NSMCE2: variants seen among roughly 807,000 people sequenced by gnomAD.
NSMCE2 encodes E3 SUMO-protein ligase NSE2.
In NSMCE2, 24 loss-of-function variants were observed where a neutral mutation model predicts 23.8. That is an observed-to-expected ratio of 1.01 (90% confidence interval 0.73 to 1.42). The LOEUF is 1.42. NSMCE2 is among the 40% of genes most tolerant of loss of function. The pLI is 0.00. For missense variants in NSMCE2, 284 were observed against 296.5 expected (o/e 0.96, Z 0.31); for synonymous variants, 92 against 94.1 (o/e 0.98, Z 0.13).
At chr8:125,124,957 A>G (rs1819443856) in intron 3 of NSMCE2, among the ~76,000 whole-genome samples, 1 of 151,484 alleles carries the variant, frequency 6.6e-6, no homozygotes, top group Non-Finnish European at 1.5e-5. Context: ...ATCACACCTG[A>G]CTATGTTTTA....
At chr8:125,160,779 C>CATTTTATTTAAA (rs1320793576) in intron 4 of NSMCE2, among the ~76,000 whole-genome samples, 1 of 152,186 alleles carries the variant, frequency 6.6e-6, no homozygotes, top group African/African-American at 2.4e-5. Context: ...TAAATGAAGA[C>CATTTTATTTAAA]TGAGGAAATT....
intron 5 of NSMCE2, among the ~76,000 whole-genome samples, chr8:125,211,770 C>T (rs1429916188): frequency 1.3e-5 from 2 of 152,210 alleles, no homozygotes; most frequent in Admixed American, 1.3e-4. Flanking sequence ...TTGGTCTCTG[C>T]CACTTGTATA....
At chr8:125,344,425 A>G (rs77935838) in intron 5 of NSMCE2, among the ~76,000 whole-genome samples, 10,736 of 152,176 alleles carry the variant, frequency 0.071, 463 homozygotes, top group Non-Finnish European at 0.1. Flanking sequence ...TATTCCTTCA[A>G]TCTTTTTTCT....
intron 4 of NSMCE2, among the ~76,000 whole-genome samples, chr8:125,167,910 A>G (rs1821977580): frequency 6.6e-6 from 1 of 152,140 alleles, no homozygotes; most frequent in Non-Finnish European, 1.5e-5. Flanking sequence ...ATAGGAAAAT[A>G]TATGTTGAGT....
At chr8:125,220,978 G>GTA (rs1824830937) in intron 5 of NSMCE2, among the ~76,000 whole-genome samples, 1 of 152,114 alleles carries the variant, frequency 6.6e-6, no homozygotes, top group South Asian at 2.1e-4. Context: ...TATCTCGAAG[G>GTA]TATTTTTTAT....
At chr8:125,338,360 A>G (rs369975416) in intron 5 of NSMCE2, among the ~76,000 whole-genome samples, 12 of 151,720 alleles carry the variant, frequency 7.9e-5, no homozygotes, top group South Asian at 4.2e-4. Flanking sequence ...ACAGAATGCA[A>G]AAGTTTCTTC....
At chr8:125,098,660 GA>G (rs1360436075) in intron 1 of NSMCE2, among the ~76,000 whole-genome samples, 1 of 152,076 alleles carries the variant, frequency 6.6e-6, no homozygotes, top group Non-Finnish European at 1.5e-5. Context: ...TGGCAAAATT[GA>G]TGTTGAGTTT....
intron 5 of NSMCE2, among the ~76,000 whole-genome samples, chr8:125,297,490 G>A (rs150114313): frequency 1.6e-3 from 242 of 152,270 alleles, no homozygotes; most frequent in Admixed American, 2.7e-3. Context: ...TTTAAGGCCT[G>A]CTTCTCCACA....
chr8:125,220,897 CT>C (rs1824826631), intron 5 of NSMCE2, among the ~76,000 whole-genome samples: 1 of 152,130 alleles, frequency 6.6e-6, no homozygotes, highest in African/African-American at 2.4e-5. Flanking sequence ...ATATATAGTT[CT>C]TTATTCTGTG....
chr8:125,148,766 G>A (rs1039566535), intron 3 of NSMCE2, among the ~76,000 whole-genome samples: 1 of 152,114 alleles, frequency 6.6e-6, no homozygotes, highest in South Asian at 2.1e-4. Context: ...GGTAAGGCTG[G>A]TGTGAAACCA....
At chr8:125,113,479 C>A (rs1818860382) in intron 3 of NSMCE2, among the ~76,000 whole-genome samples, 1 of 151,638 alleles carries the variant, frequency 6.6e-6, no homozygotes, top group African/African-American at 2.4e-5. Context: ...GACCCTGTCT[C>A]TAAAAAATAA....
chr8:125,228,821 C>T (rs1026335595), intron 5 of NSMCE2, among the ~76,000 whole-genome samples: 1 of 152,020 alleles, frequency 6.6e-6, no homozygotes, highest in Admixed American at 6.6e-5. Flanking sequence ...TAGCTTAGCT[C>T]ATTGAATTCA....
chr8:125,206,293 T>G (rs560473939), intron 5 of NSMCE2, among the ~76,000 whole-genome samples: 125 of 152,224 alleles, frequency 8.2e-4, no homozygotes, highest in African/African-American at 2.9e-3. Flanking sequence ...TGGGACAGAT[T>G]TATGGAGTTA....
intron 5 of NSMCE2, among the ~76,000 whole-genome samples, chr8:125,227,016 A>G (rs961066349): frequency 6.6e-6 from 1 of 152,082 alleles, no homozygotes; most frequent in Non-Finnish European, 1.5e-5. Context: ...GGGACTCACC[A>G]GTGAGTGCCA....
At chr8:125,115,669 A>T (rs7836427) in intron 3 of NSMCE2, among the ~76,000 whole-genome samples, 55,675 of 152,070 alleles carry the variant, frequency 0.37, 13,753 homozygotes, top group African/African-American at 0.7. Flanking sequence ...GAGAATTGCT[A>T]GAACCAGGTG....
chr8:125,124,908 C>T (rs909431043), intron 3 of NSMCE2, among the ~76,000 whole-genome samples: 3 of 152,090 alleles, frequency 2.0e-5, no homozygotes, highest in Admixed American at 6.6e-5. Flanking sequence ...AATTATCCTG[C>T]CTCAGCCTCC....
intron 5 of NSMCE2, among the ~76,000 whole-genome samples, chr8:125,219,340 A>G (rs901077302): frequency 6.6e-6 from 1 of 152,200 alleles, no homozygotes; most frequent in African/African-American, 2.4e-5. Context: ...TGAAGAAGCA[A>G]CCATGGAAAC....
chr8:125,159,040 C>T (rs1233619103), intron 4 of NSMCE2, among the ~76,000 whole-genome samples: 2 of 152,158 alleles, frequency 1.3e-5, no homozygotes, highest in African/African-American at 2.4e-5. Flanking sequence ...TAAATAGCAC[C>T]TCATTCTGAG....
intron 4 of NSMCE2, chr8:125,156,361 C>T (rs1044376328): frequency 2.3e-4 from 36 of 155,294 alleles, no homozygotes; most frequent in African/African-American, 8.7e-4. Flanking sequence ...TTGAAAAATC[C>T]AAGTATGTCT....
Sources: gnomAD v4.1 joint callset for allele counts (sites outside exome capture counted in the v4.1 genomes callset) on GRCh38, gnomAD v4.1.1 for gene constraint, MANE v1.5 for transcripts, NCBI Gene and HGNC (gene_info 2026-07-23, HGNC 2026-07-21) for gene names.